TEX11: variants seen among roughly 807,000 people sequenced by gnomAD.
The protein encoded by TEX11 is testis-expressed protein 11.
Under a neutral mutation model 84.4 loss-of-function variants are expected in TEX11, and 7 were observed. The observed-to-expected ratio is 0.08, with a 90% CI of 0.05 to 0.16. The LOEUF (loss-of-function observed/expected upper bound fraction) is 0.16. Ranked by LOEUF, TEX11 falls within the 10% of genes least tolerant of loss-of-function variation. The pLI is 1.00. For synonymous variants in TEX11, 264 were observed against 222.8 expected, an observed-to-expected ratio of 1.18 and a Z score of -1.64; for missense variants, 551 against 660.5, an observed-to-expected ratio of 0.83 and a Z score of 1.82.
At chrX:70,841,383 C>T (rs1172686226) in intron 7 of TEX11, among the ~76,000 whole-genome samples, 4 of 110,990 alleles carry the variant, frequency 3.6e-5, no homozygotes, top group African/African-American at 9.8e-5. Context: ...AATGACTACT[C>T]GGTACATAAT....
At position 70,828,248 on chromosome X, in the gene TEX11, A is replaced by G. The variant is rs985115488; in HGVS notation, c.606+5265T>C. ...CTTCACCAAATGAATTAAATATGGC[A>G]CCAGGGACCAGTTCTGCAGAAACAG... is the stretch of plus-strand genomic sequence containing the variant. On this transcript the variant is annotated intron_variant, in intron 8 of 29. Coordinates refer to ENST00000374333, the MANE Select transcript of TEX11 (RefSeq NM_031276.3). 4.5e-5 allele frequency among the ~76,000 whole-genome samples: 5 copies of G among 111,202 alleles called. No homozygotes were observed. In the Admixed American group the frequency reaches 4.8e-4, roughly 11 times the overall value.
At chrX:70,754,714 A>T (rs2090854949) in intron 9 of TEX11, among the ~76,000 whole-genome samples, 1 of 110,565 alleles carries the variant, frequency 9.0e-6, no homozygotes, top group Non-Finnish European at 1.9e-5. Flanking sequence ...GTGTCACTAA[A>T]CCCCAAGTTT....
At chrX:70,716,825 C>T (rs770173165) in intron 13 of TEX11, among the ~76,000 whole-genome samples, 18 of 112,028 alleles carry the variant, frequency 1.6e-4, no homozygotes, top group African/African-American at 5.2e-4. Context: ...GAGATGCACC[C>T]GGTACCTCAG....
chrX:70,831,204 A>T (rs185403803), intron 8 of TEX11, among the ~76,000 whole-genome samples: 214 of 112,170 alleles, frequency 1.9e-3, no homozygotes, highest in African/African-American at 6.7e-3. Context: ...GAAATAAGCC[A>T]GCCGCAGAAA....
chrX:70,812,367 C>A (rs1407175556), intron 8 of TEX11, among the ~76,000 whole-genome samples: 1 of 110,261 alleles, frequency 9.1e-6, no homozygotes, highest in East Asian at 2.9e-4. Flanking sequence ...CACCACCAGG[C>A]CGGCTAATTT....
At chrX:70,809,676 G>T (rs2091240421) in intron 8 of TEX11, among the ~76,000 whole-genome samples, 1 of 111,284 alleles carries the variant, frequency 9.0e-6, no homozygotes, top group Non-Finnish European at 1.9e-5. Flanking sequence ...GATGGGTACT[G>T]GTGATCTTGG....
chrX:70,812,154 C>G (rs2091259098), intron 8 of TEX11, among the ~76,000 whole-genome samples: 2 of 110,382 alleles, frequency 1.8e-5, no homozygotes, highest in South Asian at 7.8e-4. Flanking sequence ...CAATACCATT[C>G]TAGGTTTTCA....
At chrX:70,906,111 ATATATATATATATATATATATATC>A in intron 2 of TEX11, among the ~76,000 whole-genome samples, 1 of 63,436 alleles carries the variant, frequency 1.6e-5, no homozygotes, top group South Asian at 8.3e-4. Context: ...ATATATATAT[ATATATATATATATATATATATATC>A]ACAATGCTGA....
At chrX:70,696,457 G>A (rs2090281213) in intron 13 of TEX11, among the ~76,000 whole-genome samples, 1 of 111,733 alleles carries the variant, frequency 8.9e-6, no homozygotes, top group African/African-American at 3.3e-5. Context: ...GTAAAACATT[G>A]CCACAAACTT....
At position 70,708,920 on chromosome X, in the gene TEX11, G is replaced by T. The variant is rs1399396475; in HGVS notation, c.1004+13698C>A. ...GTCCCTTGTATCTAAAATAAAAGTT[G>T]AAATAATTAAAAAAAAAAAAAACTC... On this transcript the variant is annotated intron_variant, in intron 13 of 29. Coordinates refer to ENST00000374333, the MANE Select transcript of TEX11 (RefSeq NM_031276.3). 3.1e-5 allele frequency among the ~76,000 whole-genome samples: 3 copies of T among 96,692 alleles called. No homozygotes were observed. In the South Asian group the frequency reaches 1.4e-3, roughly 47 times the overall value. The allele number at this position is 96,692 out of a possible 115,157, so 84.0% of individuals were successfully genotyped here.
In TEX11 at chrX:70,719,095, G is replaced by C. The variant is rs1360788322; in HGVS notation, c.1004+3523C>G. 2.7e-5 allele frequency among the ~76,000 whole-genome samples: 3 copies of C among 111,783 alleles called. No homozygotes were observed. The East Asian group carries it at 8.3e-4, about 31-fold the overall frequency. ...TCTACAAGAAGCAGAAGCAACTACT[G>C]TATTGTGCATCCAATTCATCCAAAA... On this transcript the variant is annotated intron_variant, in intron 13 of 29. Coordinates refer to ENST00000374333, the MANE Select transcript of TEX11 (RefSeq NM_031276.3).
intron 13 of TEX11, among the ~76,000 whole-genome samples, chrX:70,713,973 G>C (rs1286486406): frequency 8.9e-6 from 1 of 111,763 alleles, no homozygotes; most frequent in Admixed American, 9.5e-5. Context: ...ATGTGTCCCA[G>C]AGATTCTGGT....
intron 8 of TEX11, among the ~76,000 whole-genome samples, chrX:70,828,914 C>A (rs1382537252): frequency 9.0e-6 from 1 of 111,345 alleles, no homozygotes; most frequent in Non-Finnish European, 1.9e-5. Flanking sequence ...TCAGCAGAAA[C>A]TTTACAGGCC....
At chrX:70,603,674 G>A (rs1291099981) in intron 24 of TEX11, among the ~76,000 whole-genome samples, 3 of 111,522 alleles carry the variant, frequency 2.7e-5, no homozygotes, top group African/African-American at 9.8e-5. Context: ...ACCAAAAGCA[G>A]TGGCAACCAA....
chrX:70,830,855 T>C (rs1254725756), intron 8 of TEX11, among the ~76,000 whole-genome samples: 1 of 110,661 alleles, frequency 9.0e-6, no homozygotes, highest in Non-Finnish European at 1.9e-5. Context: ...TGTACACTGC[T>C]GGTGGGAATG....
At chrX:70,611,167 A>G (rs2089255929) in intron 20 of TEX11, among the ~76,000 whole-genome samples, 1 of 112,381 alleles carries the variant, frequency 8.9e-6, no homozygotes, top group African/African-American at 3.2e-5. Context: ...TTAAAAGAGA[A>G]CTTCCGGTTT....
At chrX:70,602,140 G>C (rs199995860) in intron 24 of TEX11, among the ~76,000 whole-genome samples, 9,069 of 111,523 alleles carry the variant, frequency 0.081, 838 homozygotes, top group African/African-American at 0.26. Context: ...TCACCTCCTG[G>C]ATAGGGCGGC....
chrX:70,785,396 G>A (rs1161773364), intron 9 of TEX11, among the ~76,000 whole-genome samples: 4 of 111,624 alleles, frequency 3.6e-5, no homozygotes, highest in African/African-American at 1.3e-4. Flanking sequence ...ACCATTCAGG[G>A]CATAGGCACT....
intron 11 of TEX11, among the ~76,000 whole-genome samples, chrX:70,727,725 A>T (rs1192585864): frequency 9.0e-6 from 1 of 111,125 alleles, no homozygotes; most frequent in Non-Finnish European, 1.9e-5. Flanking sequence ...AAGTGCCCTT[A>T]TAAGAAAAGA....
Sources: gnomAD v4.1 joint callset for allele counts (sites outside exome capture counted in the v4.1 genomes callset) on GRCh38, gnomAD v4.1.1 for gene constraint, MANE v1.5 for transcripts, NCBI Gene and HGNC (gene_info 2026-07-23, HGNC 2026-07-21) for gene names.